The following EYA4 variants were observed in gnomAD, a reference collection of about 807,000 sequenced individuals.
EYA4 encodes the protein protein phosphatase EYA4.
Under a neutral mutation model 87.9 loss-of-function variants are expected in EYA4, and 31 were observed. The ratio of observed to expected loss-of-function variants is 0.35; its 90% CI spans 0.27 to 0.48. The LOEUF (loss-of-function observed/expected upper bound fraction) is 0.48. Among genes scored for constraint, EYA4 ranks in the 20% least tolerant of loss-of-function variants. The probability of loss-of-function intolerance (pLI) is 0.99; values close to 1 mark genes in which losing one functional copy is unlikely to be tolerated. For missense variants in EYA4, 678 were observed against 761.4 expected (o/e 0.89, Z 1.29); for synonymous variants, 263 against 270.6 (o/e 0.97, Z 0.28).
chr6:133,377,630 GGAT>G lies in EYA4; in HGVS notation c.34-4761_34-4759del, dbSNP rs1437931606. On this transcript the variant is annotated intron_variant, in intron 2 of 19. Coordinates refer to ENST00000355286, the MANE Select transcript of EYA4 (RefSeq NM_004100.5). ...GCGGAGGTGGATGCTAGAGATATCTGGATAATTTTTTCAAAACTACTATTTATT... is the reference window on the plus strand; with the variant it reads ...GCGGAGGTGGATGCTAGAGATATCTGAATTTTTTCAAAACTACTATTTATT... Among the ~76,000 whole-genome samples, 14 of 134,218 alleles carry G rather than the reference GGAT, an allele frequency of 1.0e-4. No homozygotes were observed. In the East Asian group the frequency reaches 3.1e-3, roughly 30 times the overall value. 88.1% of individuals were successfully genotyped at this position (134,218 alleles called of 152,430 possible).
intron 2 of EYA4, among the ~76,000 whole-genome samples, chr6:133,381,599 C>T (rs1786229512): frequency 6.6e-6 from 1 of 151,964 alleles, no homozygotes; most frequent in Admixed American, 6.6e-5. Context: ...AAATAGTGGG[C>T]TTATAAATGT....
chr6:133,500,639 C>G (rs769242779), intron 13 of EYA4, among the ~76,000 whole-genome samples: 39 of 152,150 alleles, frequency 2.6e-4, no homozygotes, highest in Non-Finnish European at 4.7e-4. Context: ...AAATCCGTGC[C>G]TCCTACATCT....
At chr6:133,416,447 T>A (rs998237416) in intron 3 of EYA4, among the ~76,000 whole-genome samples, 2 of 152,202 alleles carry the variant, frequency 1.3e-5, no homozygotes, top group Admixed American at 6.5e-5. Context: ...TCTATATTGA[T>A]CAAGTGTTTT....
intron 2 of EYA4, among the ~76,000 whole-genome samples, chr6:133,338,911 T>G (rs1782579852): frequency 6.6e-6 from 1 of 152,070 alleles, no homozygotes; most frequent in Non-Finnish European, 1.5e-5. Flanking sequence ...TATAAACCCT[T>G]AAGAATCAGG....
intron 17 of EYA4, among the ~76,000 whole-genome samples, chr6:133,522,261 G>GTAC (rs1800249848): frequency 3.5e-5 from 2 of 57,204 alleles, no homozygotes; most frequent in Non-Finnish European, 7.0e-5. Context: ...CCATGTTGGT[G>GTAC]TGCTATTTGT....
rs142122118 is a variant in EYA4 at position 133,513,032 on chromosome 6, G to C, written c.1495G>C (p.Val499Leu). The C allele has an allele frequency of 1.9e-6, 3 of 1,613,844 alleles. No individual in the cohort carries two copies. The South Asian group carries it at 3.3e-5, about 18-fold the overall frequency. Reference protein sequence around the residue: ...KELYNTYKNNVGGLLGPAKRD... With the variant: ...KELYNTYKNNLGGLLGPAKRD... ...ATTATATAACACCTACAAGAACAAC[G>C]TTGGAGGTATGTGTGGCTTTTTCAA... The change falls in exon 16 of 20, where the codon GTT (valine) becomes CTT (leucine). Residue 499 changes from valine (V) to leucine (L), a missense_variant. Coordinates refer to ENST00000355286, the MANE Select transcript of EYA4 (RefSeq NM_004100.5).
At chr6:133,492,929 C>T (rs1797312590) in intron 13 of EYA4, among the ~76,000 whole-genome samples, 1 of 151,974 alleles carries the variant, frequency 6.6e-6, no homozygotes, top group South Asian at 2.1e-4. Context: ...AACTGTAAAA[C>T]ATTGATGGCA....
At chr6:133,277,636 A>G (rs1023553366) in intron 2 of EYA4, among the ~76,000 whole-genome samples, 4 of 152,212 alleles carry the variant, frequency 2.6e-5, no homozygotes, top group African/African-American at 9.6e-5. Context: ...ATATCCAGCT[A>G]CTGACCAGAC....
chr6:133,451,327 G>T (rs1793419858), intron 5 of EYA4, among the ~76,000 whole-genome samples: 1 of 152,078 alleles, frequency 6.6e-6, no homozygotes, highest in Non-Finnish European at 1.5e-5. Flanking sequence ...GGTCAGATTT[G>T]GCCCAACTCC....
At chr6:133,469,203 G>C (rs890411032) in intron 11 of EYA4, among the ~76,000 whole-genome samples, 1 of 151,996 alleles carries the variant, frequency 6.6e-6, no homozygotes, top group Non-Finnish European at 1.5e-5. Context: ...AAAATCCATT[G>C]TGTGTTTCAT....
intron 2 of EYA4, among the ~76,000 whole-genome samples, chr6:133,282,925 G>A (rs1777746739): frequency 6.6e-6 from 1 of 152,076 alleles, no homozygotes; most frequent in Non-Finnish European, 1.5e-5. Flanking sequence ...TGATATCTTT[G>A]GGTACCAAAA....
At chr6:133,292,704 T>C (rs1778586409) in intron 2 of EYA4, among the ~76,000 whole-genome samples, 1 of 152,252 alleles carries the variant, frequency 6.6e-6, no homozygotes, top group South Asian at 2.1e-4. Flanking sequence ...TTAATGTTTT[T>C]AAAACATTAA....
At chr6:133,463,691 A>G (rs1040622021) in intron 9 of EYA4, among the ~76,000 whole-genome samples, 1 of 152,120 alleles carries the variant, frequency 6.6e-6, no homozygotes, top group Non-Finnish European at 1.5e-5. Flanking sequence ...AGTTGCCAAA[A>G]GAATTTTAGT....
At chr6:133,516,722 C>CAAA (rs58268978) in intron 17 of EYA4, among the ~76,000 whole-genome samples, 4,630 of 122,784 alleles carry the variant, frequency 0.038, 229 homozygotes, top group African/African-American at 0.11. Context: ...GACTCTGTCT[C>CAAA]AAAAAAAAAA....
intron 2 of EYA4, among the ~76,000 whole-genome samples, chr6:133,316,679 T>C (rs1007467515): frequency 3.9e-5 from 6 of 152,340 alleles, no homozygotes; most frequent in Admixed American, 3.9e-4. Context: ...GTTTTGCCTC[T>C]CATTCATGCC....
intron 3 of EYA4, 89 bp from the exon 4 acceptor site, chr6:133,446,541 A>G: frequency 6.9e-7 from 1 of 1,441,498 alleles, no homozygotes. Flanking sequence ...TTACTGTGAG[A>G]TCACGTGGTC....
At chr6:133,413,096 G>A (rs56088418) in intron 3 of EYA4, among the ~76,000 whole-genome samples, 4,192 of 152,198 alleles carry the variant, frequency 0.028, 98 homozygotes, top group Middle Eastern at 0.048. Context: ...AAAATACTGG[G>A]GATAACTATG....
At chr6:133,450,586 T>G (rs1438573184) in intron 5 of EYA4, among the ~76,000 whole-genome samples, 1 of 151,994 alleles carries the variant, frequency 6.6e-6, no homozygotes, top group African/African-American at 2.4e-5. Flanking sequence ...TCACCGCAAC[T>G]TCCACCTCCC....
At chr6:133,438,206 A>G (rs1350112394) in intron 3 of EYA4, among the ~76,000 whole-genome samples, 8 of 152,090 alleles carry the variant, frequency 5.3e-5, no homozygotes, top group Admixed American at 3.3e-4. Context: ...ACCTAAATGA[A>G]TTCAAGCATA....
Sources: allele counts gnomAD v4.1 joint callset (sites outside exome capture counted in the v4.1 genomes callset), GRCh38; gene constraint gnomAD v4.1.1; transcripts MANE v1.5; gene names NCBI Gene and HGNC (gene_info 2026-07-23, HGNC 2026-07-21).